Variants in CENPK observed in about 807,000 individuals in gnomAD.
CENPK encodes the protein centromere protein K, also known as SoxLZ/Sox6-binding protein Solt.
In CENPK, 46 loss-of-function variants were observed where a neutral mutation model predicts 40.9. That is an observed-to-expected ratio of 1.13 (90% CI 0.89 to 1.44). The LOEUF (loss-of-function observed/expected upper bound fraction) is 1.44. Among genes scored for constraint, CENPK ranks in the 40% most tolerant of loss-of-function variants. CENPK has a pLI of 0.00. For missense variants in CENPK, 288 were observed against 303.5 expected (o/e 0.95, Z 0.38); for synonymous variants, 107 against 104.4 (o/e 1.02, Z -0.15).
the CENPK span, among the ~76,000 whole-genome samples, chr5:65,498,282 G>A: frequency 6.6e-6 from 1 of 151,836 alleles, no homozygotes; most frequent in African/African-American, 2.4e-5. Flanking sequence ...CAACCTTCAA[G>A]GAATACATCT....
intron 4 of CENPK, 46 bp from the exon 5 acceptor site, chr5:65,551,682 C>CCTG: frequency 9.7e-7 from 1 of 1,026,130 alleles, no homozygotes; most frequent in Non-Finnish European, 1.4e-6. Context: ...CTATTCATAC[C>CCTG]TATTCATAGA....
At chr5:65,535,291 A>G in intron 6 of CENPK, among the ~76,000 whole-genome samples, 1 of 152,200 alleles carries the variant, frequency 6.6e-6, no homozygotes, top group Admixed American at 6.5e-5. Flanking sequence ...GAGTTAACTC[A>G]GCAGACCTAG....
chr5:65,523,822 C>A (rs923564151), intron 9 of CENPK, among the ~76,000 whole-genome samples: 1 of 152,090 alleles, frequency 6.6e-6, no homozygotes, highest in African/African-American at 2.4e-5. Context: ...ATAAAGAACT[C>A]TCCAGATATA....
chr5:65,528,962 G>A lies in CENPK; in HGVS notation c.427C>T (p.His143Tyr). 1 of 1,607,864 alleles carries A rather than the reference G, an allele frequency of 6.2e-7. No individual in the cohort carries two copies. Among genetic ancestry groups the A allele is most frequent in the Non-Finnish European group, 8.5e-7 (1 of 1,175,778 alleles). Residue 143 changes from histidine to tyrosine, a missense_variant, in exon 8 of 11, where the codon CAC becomes TAC. By Grantham distance (83) the His-to-Tyr change is moderately conservative. Coordinates refer to ENST00000396679, the MANE Select transcript of CENPK (RefSeq NM_022145.5). ...TCAACCTTATTTTTCAATTCACTGT[G>A]TAGTACATTAAGAGATTCCATTATC... ...QQIMESLNVL[H>Y]SELKNKVETF... is the part of the protein sequence containing the mutation.
intron 10 of CENPK, among the ~76,000 whole-genome samples, chr5:65,520,693 A>C (rs1177244720): frequency 6.6e-6 from 1 of 152,228 alleles, no homozygotes; most frequent in Non-Finnish European, 1.5e-5. Context: ...AGCTGGGCAA[A>C]AAGAGACTTT....
intron 1 of CENPK, among the ~76,000 whole-genome samples, chr5:65,562,282 C>A (rs1474089385): frequency 6.6e-6 from 1 of 152,038 alleles, no homozygotes; most frequent in African/African-American, 2.4e-5. Context: ...GAGTAGGAGG[C>A]AAGAACGAAC....
At chr5:65,504,805 C>T in the CENPK span, among the ~76,000 whole-genome samples, 28 of 152,152 alleles carry the variant, frequency 1.8e-4, no homozygotes, top group Admixed American at 5.9e-4. Context: ...TATGTGCTCA[C>T]GGCTGATTCC....
chr5:65,544,886 AGTT>A (rs1748618083), intron 5 of CENPK, among the ~76,000 whole-genome samples: 1 of 152,178 alleles, frequency 6.6e-6, no homozygotes. Flanking sequence ...GGAAAAGGAG[AGTT>A]GTTGTTTAAT....
intron 5 of CENPK, chr5:65,550,560 A>T (rs1354583539): frequency 7.2e-5 from 11 of 152,166 alleles, no homozygotes; most frequent in African/African-American, 2.7e-4. Flanking sequence ...AAGATCAAAG[A>T]CCACTGATCA....
At chr5:65,504,421 C>T in the CENPK span, among the ~76,000 whole-genome samples, 2 of 148,940 alleles carry the variant, frequency 1.3e-5, no homozygotes, top group Non-Finnish European at 3.0e-5. Context: ...CGTGCCATTG[C>T]CCTCCAGCCT....
intron 6 of CENPK, chr5:65,541,249 T>C: frequency 2.6e-6 from 1 of 382,016 alleles, no homozygotes; most frequent in South Asian, 1.9e-5. Context: ...ACCCCTGATT[T>C]ATAGCCAGTC....
the CENPK span, among the ~76,000 whole-genome samples, chr5:65,498,215 A>T: frequency 6.6e-6 from 1 of 152,038 alleles, no homozygotes. Flanking sequence ...TTTATATATT[A>T]TATATCTCTC....
chr5:65,512,243 CAAGAA>C, the CENPK span, among the ~76,000 whole-genome samples: 1 of 152,136 alleles, frequency 6.6e-6, no homozygotes, highest in African/African-American at 2.4e-5. Flanking sequence ...GTTGAAATGA[CAAGAA>C]AAGATTTAGA....
chr5:65,500,333 G>GT, the CENPK span, among the ~76,000 whole-genome samples: 2 of 132,078 alleles, frequency 1.5e-5, no homozygotes, highest in South Asian at 5.5e-4. Context: ...AGCCCCTGTT[G>GT]TTTCCTGACT....
Position 65,518,652 on chromosome 5 carries a change from C to A in CENPK, c.652-19G>T. 6.7e-7 allele frequency: 1 copy of A among 1,499,814 alleles called. No individual in the cohort carries two copies. Among genetic ancestry groups the A allele is most frequent in the South Asian group, 1.2e-5 (1 of 83,408 alleles). 92.9% of individuals were successfully genotyped at this position (1,499,814 alleles called of 1,614,324 possible). A position where few individuals can be genotyped will look rare whatever the true frequency, so the allele number is the denominator to read the frequency against. The stretch of plus-strand genomic sequence containing the variant: ...TAAGAATCTAGGAGAAAATATCATT[C>A]AAAATATACTTTACTTGGGAAAAAG... On this transcript the variant is annotated intron_variant, in intron 10 of 10. Transcript: ENST00000396679.
At chr5:65,555,020 G>A in intron 2 of CENPK, 74 bp from the exon 3 acceptor site, 8 of 716,160 alleles carry the variant, frequency 1.1e-5, no homozygotes, top group South Asian at 8.0e-5. Flanking sequence ...TCATCTAGGG[G>A]GTAAGAATAT....
chr5:65,557,121 A>G (rs1028436161), intron 2 of CENPK, among the ~76,000 whole-genome samples: 1 of 152,190 alleles, frequency 6.6e-6, no homozygotes, highest in African/African-American at 2.4e-5. Flanking sequence ...ATAGTCTGAG[A>G]AGGAGCACTC....
chr5:65,546,327 C>A (rs548477157), intron 5 of CENPK, among the ~76,000 whole-genome samples: 1 of 120,292 alleles, frequency 8.3e-6, no homozygotes, highest in Admixed American at 9.9e-5. Context: ...AACAAATATG[C>A]TGTATGTGCA....
At chr5:65,533,003 A>C (rs1252233051) in intron 6 of CENPK, among the ~76,000 whole-genome samples, 2 of 151,932 alleles carry the variant, frequency 1.3e-5, no homozygotes, top group African/African-American at 4.8e-5. Context: ...AAAAACATTT[A>C]ATAACCTCAA....
Sources: allele counts gnomAD v4.1 joint callset (sites outside exome capture counted in the v4.1 genomes callset), GRCh38; gene constraint gnomAD v4.1.1; transcripts MANE v1.5; gene names NCBI Gene and HGNC (gene_info 2026-07-23, HGNC 2026-07-21).